EEF1D: variants seen among roughly 807,000 people sequenced by gnomAD.
EEF1D encodes eukaryotic translation elongation factor 1 delta, also known as elongation factor 1-delta.
Under a neutral mutation model 63.9 loss-of-function variants are expected in EEF1D, and 47 were observed. That is an observed-to-expected ratio of 0.74 (90% confidence interval 0.58 to 0.94). EEF1D has a LOEUF of 0.94. Among genes scored for constraint, EEF1D ranks in the 40% least tolerant of loss-of-function variants. EEF1D has a pLI of 0.00. For synonymous variants in EEF1D, 412 were observed against 386.1 expected (o/e 1.07, Z -0.79); for missense variants, 907 against 899.0 (o/e 1.01, Z -0.11).
intron 1 of EEF1D, among the ~76,000 whole-genome samples, chr8:143,593,623 C>T (rs968050229): frequency 2.0e-5 from 3 of 152,144 alleles, no homozygotes; most frequent in East Asian, 1.9e-4. Flanking sequence ...CTGGTGGAGA[C>T]GAGGATGCTA....
chr8:143,596,092 G>C (rs1180219046), intron 1 of EEF1D: 2 of 152,386 alleles, frequency 1.3e-5, no homozygotes, highest in Non-Finnish European at 2.9e-5. Context: ...GCCCACCTGT[G>C]CTAAACCTTG....
At position 143,589,440 on chromosome 8, in the gene EEF1D, T is replaced by G. The variant is rs768985401; in HGVS notation, c.642A>C (p.Pro214=). 6.5e-7 allele frequency: 1 copy of G among 1,526,954 alleles called. No individual in the cohort carries two copies. Among genetic ancestry groups the G allele is most frequent in the South Asian group, 1.2e-5 (1 of 81,200 alleles). The allele number at this position is 1,526,954 out of a possible 1,614,324, so 94.6% of individuals were successfully genotyped here. The change falls in exon 3 of 10, where the codon CCA becomes CCC. Residue 214 remains proline (P), a synonymous_variant. Transcript: ENST00000618139. ...CCAGCGGGGGCTGGCCATTGACCGG[T>G]GGGCTGGGCTGGTGGGCCAGGTCGG... ...AVPDLAHQPS[P]PVNGQPPLGS...
chr8:143,590,421 A>C, intron 2 of EEF1D: 1 of 646,388 alleles, frequency 1.5e-6, no homozygotes, highest in Non-Finnish European at 2.5e-6. Context: ...AGACATACTT[A>C]CACTAAAAAT....
rs774761371 is a variant in EEF1D, at chr8:143,580,779, C to A, written c.1489-52G>T. ...ACGGCTGAGACGCCCCAACCAGGGCCCAGAGCTGCCTGGCCACCTCCTGGC... is the reference window on the plus strand; with the variant it reads ...ACGGCTGAGACGCCCCAACCAGGGCACAGAGCTGCCTGGCCACCTCCTGGC... On this transcript the variant is annotated intron_variant, in intron 7 of 9. Coordinates refer to ENST00000618139, the MANE Select transcript of EEF1D (RefSeq NM_001130053.5). The A allele has an allele frequency of 2.5e-6, 4 of 1,595,570 alleles. No homozygotes were observed. The South Asian group carries it at 3.3e-5, about 13-fold the overall frequency.
At chr8:143,591,902 C>T (rs962595631) in intron 2 of EEF1D, among the ~76,000 whole-genome samples, 1 of 152,236 alleles carries the variant, frequency 6.6e-6, no homozygotes, top group African/African-American at 2.4e-5. Context: ...ACCCCTGGCA[C>T]TGCACTCTGC....
At chr8:143,594,034 T>A in intron 1 of EEF1D, 1 of 468,464 alleles carries the variant, frequency 2.1e-6, no homozygotes, top group Non-Finnish European at 2.8e-6. Context: ...GGTCAGCCCC[T>A]TCGCTCCTGC....
At chr8:143,592,328 G>A (rs1390594558) in intron 2 of EEF1D, 32 of 966,436 alleles carry the variant, frequency 3.3e-5, no homozygotes, top group Admixed American at 1.2e-4. Flanking sequence ...CCGGGCAGAA[G>A]CCGCCGCTCA....
intron 2 of EEF1D, 124 bp from the exon 3 acceptor site, chr8:143,590,205 G>C (rs551553879): frequency 1.4e-6 from 2 of 1,394,568 alleles, no homozygotes; most frequent in African/African-American, 1.4e-5. Context: ...GGCAGGGGCT[G>C]AGGATGCTCC....
chr8:143,587,347 T>G lies in EEF1D; in HGVS notation c.1092-495A>C, dbSNP rs1309971506. 4.6e-5 allele frequency: 7 copies of G among 152,622 alleles called. No homozygotes were observed. The East Asian group carries it at 1.2e-3, about 25-fold the overall frequency. 9.5% of individuals were successfully genotyped at this position (152,622 alleles called of 1,614,324 possible). ...GTTTTTTTGTTATTTTTTTTTTGTG[T>G]GAGATGGAGTCTCACTCTTGTCGCC... is the stretch of plus-strand genomic sequence containing the variant. On this transcript the variant is annotated intron_variant, in intron 3 of 9. Coordinates refer to ENST00000618139, the MANE Select transcript of EEF1D (RefSeq NM_001130053.5).
Position 143,589,569 on chromosome 8 carries a change from G to A in EEF1D, c.513C>T (p.Asp171=), listed in dbSNP as rs753554935. The A allele has an allele frequency of 6.6e-7, 1 of 1,516,536 alleles. No homozygotes were observed. Among genetic ancestry groups the A allele is most frequent in the Non-Finnish European group, 8.8e-7 (1 of 1,132,366 alleles). The allele number at this position is 1,516,536 out of a possible 1,614,324, so 93.9% of individuals were successfully genotyped here. A position where few individuals can be genotyped will look rare whatever the true frequency, so the allele number is the denominator to read the frequency against. The change falls in exon 3 of 10, where the codon GAC becomes GAT. Residue 171 remains aspartate, a synonymous_variant. Coordinates refer to ENST00000618139, the MANE Select transcript of EEF1D (RefSeq NM_001130053.5). The part of the protein sequence containing the change: ...WGIWVNKSSF[D]QAERAFVEWS... ...ACTCCACGAAGGCCCGCTCAGCCTG[G>A]TCGAAGGAGGACTTGTTGACCCAGA...
Position 143,587,057 on chromosome 8 carries a change from C to G in EEF1D, c.1092-205G>C, listed in dbSNP as rs113480566. ...GACGAGGAGTTCTCAAAGTGTGGTC[C>G]GAGAACCTCTGAGGGTCCCCAGGCC... On this transcript the variant is annotated intron_variant, in intron 3 of 9. Coordinates refer to ENST00000618139, the MANE Select transcript of EEF1D (RefSeq NM_001130053.5). The G allele has an allele frequency of 5.1e-3, 2,990 of 583,622 alleles. 62 individuals are homozygous for G. In the African/African-American group the frequency reaches 0.053, roughly 10 times the overall value. 36.2% of individuals were successfully genotyped at this position (583,622 alleles called of 1,614,324 possible). A position where few individuals can be genotyped will look rare whatever the true frequency, so the allele number is the denominator to read the frequency against.
At position 143,597,361 on chromosome 8, in the gene EEF1D, A is replaced by C. The variant is rs1829026268; in HGVS notation, c.-28T>G. 6.6e-6 allele frequency: 1 copy of C among 151,900 alleles called. No individual in the cohort carries two copies. The highest frequency in any genetic ancestry group is 2.4e-5 in the African/African-American group (1 of 41,342). 9.4% of individuals were successfully genotyped at this position (151,900 alleles called of 1,614,324 possible). Reference sequence around the variant, plus strand: ...CGCGGTACTCACACGCCAGCCAAGGACGCGGCGACCAAGGAGGAGGAATCG... The same window carrying C: ...CGCGGTACTCACACGCCAGCCAAGGCCGCGGCGACCAAGGAGGAGGAATCG... On this transcript the variant is annotated 5_prime_UTR_variant, in exon 1 of 10. Transcript: ENST00000618139.
chr8:143,585,336 C>T (rs1826363454), intron 5 of EEF1D, among the ~76,000 whole-genome samples: 1 of 152,134 alleles, frequency 6.6e-6, no homozygotes, highest in African/African-American at 2.4e-5. Context: ...AGGCTGCCTG[C>T]TGAGCACCTT....
Position 143,592,637 on chromosome 8 carries a change from G to C in EEF1D, c.-1+10C>G, listed in dbSNP as rs1214918058. On this transcript the variant is annotated intron_variant, in intron 2 of 9. Coordinates refer to ENST00000618139, the MANE Select transcript of EEF1D (RefSeq NM_001130053.5). Reference sequence around the variant, plus strand: ...AGGGGAATGGGGCATGAGGACAGGCGAGTACTTACTTTGCTTTGGCCTCCT... The same window carrying C: ...AGGGGAATGGGGCATGAGGACAGGCCAGTACTTACTTTGCTTTGGCCTCCT... 5 of 985,500 alleles carry C rather than the reference G, an allele frequency of 5.1e-6. No individual in the cohort carries two copies. In the African/African-American group the frequency reaches 8.7e-5, roughly 17 times the overall value. 61.0% of individuals were successfully genotyped at this position (985,500 alleles called of 1,614,324 possible).
chr8:143,581,164 C>T lies in EEF1D; in HGVS notation c.1388-10G>A. The T allele has an allele frequency of 1.2e-6, 2 of 1,612,882 alleles. No homozygotes were observed. The highest frequency in any genetic ancestry group is 1.7e-6 in the Non-Finnish European group (2 of 1,179,918). Reference sequence around the variant, plus strand: ...TGCAGCTCCTGTACCACTGGGGGGGCAAGGGGAGCACGGTTAGATGGCAGG... The same window carrying T: ...TGCAGCTCCTGTACCACTGGGGGGGTAAGGGGAGCACGGTTAGATGGCAGG... On this transcript the variant is annotated splice_polypyrimidine_tract_variant and intron_variant, in intron 6 of 9. Coordinates refer to ENST00000618139, the MANE Select transcript of EEF1D (RefSeq NM_001130053.5).
chr8:143,596,839 G>A (rs1399980957), intron 1 of EEF1D: 2 of 152,236 alleles, frequency 1.3e-5, no homozygotes, highest in Non-Finnish European at 2.9e-5. Flanking sequence ...CAGAAATTTT[G>A]ACCCAGTCAC....
chr8:143,593,949 C>T lies in EEF1D; in HGVS notation c.-14-1289G>A, dbSNP rs189676117. On this transcript the variant is annotated intron_variant, in intron 1 of 9. Transcript: ENST00000618139. ...TCAAAGCTTGCGCAGACGACAGGCA[C>T]GTGCAAGCCTCTCCTCTCCAGCAGG... 3.7e-3 allele frequency: 3,674 copies of T among 984,144 alleles called. 8 individuals are homozygous for T. The highest frequency in any genetic ancestry group is 4.3e-3 in the Non-Finnish European group (3,541 of 828,708). 61.0% of individuals were successfully genotyped at this position (984,144 alleles called of 1,614,324 possible).
At chr8:143,580,438 A>G in intron 8 of EEF1D, 68 bp downstream of exon 8, 1 of 1,551,530 alleles carries the variant, frequency 6.4e-7, no homozygotes. Context: ...GGAGGGTCAC[A>G]GGCTGAGCCG....
At chr8:143,586,325 T>A (rs201204853) in intron 4 of EEF1D, 35 bp from the exon 5 acceptor site, 177 of 1,478,060 alleles carry the variant, frequency 1.2e-4, no homozygotes, top group Non-Finnish European at 1.5e-4. Context: ...GTCTTTTTTT[T>A]ATTATTAAAA....
Sources: gnomAD v4.1 joint callset for allele counts (sites outside exome capture counted in the v4.1 genomes callset) on GRCh38, gnomAD v4.1.1 for gene constraint, MANE v1.5 for transcripts, NCBI Gene and HGNC (gene_info 2026-07-23, HGNC 2026-07-21) for gene names.